The following SLC38A1 variants were observed in gnomAD, a reference collection of about 807,000 sequenced individuals.
The protein encoded by SLC38A1 is sodium-coupled neutral amino acid symporter 1.
In SLC38A1, 18 loss-of-function variants were observed where a neutral mutation model predicts 60.3. That is an observed-to-expected ratio of 0.30 (90% CI 0.21 to 0.44). The LOEUF (loss-of-function observed/expected upper bound fraction) is 0.44, where lower values mean the gene tolerates loss of function less well. SLC38A1 is among the 20% of genes least tolerant of loss of function. SLC38A1 has a pLI of 1.00. For synonymous variants in SLC38A1, 196 were observed against 212.1 expected (o/e 0.92, Z 0.66); for missense variants, 448 against 587.2 (o/e 0.76, Z 2.45).
chr12:46,248,712 AT>A (rs1941715878), intron 1 of SLC38A1, among the ~76,000 whole-genome samples: 1 of 152,226 alleles, frequency 6.6e-6, no homozygotes, highest in Admixed American at 6.5e-5. Flanking sequence ...AATCAACAAA[AT>A]ATACATTCTT....
At chr12:46,238,410 C>A (rs1025473106) in intron 3 of SLC38A1, among the ~76,000 whole-genome samples, 1 of 152,188 alleles carries the variant, frequency 6.6e-6, no homozygotes, top group South Asian at 2.1e-4. Context: ...TAATCACATA[C>A]TTTATCAGAA....
intron 11 of SLC38A1, 38 bp from the exon 12 acceptor site, chr12:46,203,127 T>G: frequency 1.9e-6 from 3 of 1,540,576 alleles, no homozygotes; most frequent in Non-Finnish European, 2.7e-6. Context: ...GGAAAAACAC[T>G]TTTACCATAA....
chr12:46,236,883 C>T (rs576042404), intron 3 of SLC38A1, among the ~76,000 whole-genome samples: 89 of 152,306 alleles, frequency 5.8e-4, no homozygotes, highest in African/African-American at 2.0e-3. Flanking sequence ...GTGTTTCATA[C>T]ACACATTAAA....
At chr12:46,197,295 C>T (rs1442464921) in intron 16 of SLC38A1, 1 of 167,028 alleles carries the variant, frequency 6.0e-6, no homozygotes, top group East Asian at 1.9e-4. Context: ...ACAGACCATC[C>T]TGGCTAACAT....
chr12:46,266,347 AAAC>A (rs1488314481), intron 1 of SLC38A1, among the ~76,000 whole-genome samples: 1 of 152,184 alleles, frequency 6.6e-6, no homozygotes, highest in East Asian at 1.9e-4. Context: ...AAATATACAT[AAAC>A]AACATACATA....
At position 46,226,617 on chromosome 12, in the gene SLC38A1, C is replaced by CTT. The variant is rs199599486; in HGVS notation, c.314+2534_314+2535dup. 1.7e-3 allele frequency among the ~76,000 whole-genome samples: 206 copies of CTT among 122,936 alleles called. 1 individual carries two copies. Among genetic ancestry groups the CTT allele is most frequent in the Non-Finnish European group, 2.5e-3 (145 of 56,948 alleles). 80.7% of individuals were successfully genotyped at this position (122,936 alleles called of 152,430 possible). ...TCCCAAACTGAAGGTCATGGATTTC[C>CTT]TTTTTTTTTTTTTTTTTTTTTTTTT... On this transcript the variant is annotated intron_variant, in intron 5 of 16. Transcript: ENST00000398637.
intron 1 of SLC38A1, among the ~76,000 whole-genome samples, chr12:46,256,308 T>C (rs1050586527): frequency 6.6e-6 from 1 of 152,130 alleles, no homozygotes; most frequent in African/African-American, 2.4e-5. Flanking sequence ...TCCCAAAGAT[T>C]ACTTAAGTCA....
chr12:46,237,854 T>A (rs1366442578), intron 3 of SLC38A1, among the ~76,000 whole-genome samples: 1 of 151,838 alleles, frequency 6.6e-6, no homozygotes, highest in Non-Finnish European at 1.5e-5. Context: ...TTCCTTCCAC[T>A]GTTCAGTGGA....
intron 3 of SLC38A1, 66 bp from the exon 4 acceptor site, chr12:46,229,705 A>G (rs1482418956): frequency 1.5e-6 from 2 of 1,348,496 alleles, no homozygotes; most frequent in African/African-American, 1.4e-5. Context: ...TCTTTACTAA[A>G]TGATATGTTA....
At chr12:46,230,383 G>A (rs1418115426) in intron 3 of SLC38A1, among the ~76,000 whole-genome samples, 1 of 152,190 alleles carries the variant, frequency 6.6e-6, no homozygotes, top group Non-Finnish European at 1.5e-5. Context: ...AAGGCTTTGA[G>A]AAAGCAAGGG....
chr12:46,211,580 C>T (rs1473553477), intron 5 of SLC38A1, among the ~76,000 whole-genome samples: 1 of 152,216 alleles, frequency 6.6e-6, no homozygotes. Flanking sequence ...TGTTGAATCT[C>T]TTTGCAGATG....
chr12:46,190,395 T>C (rs1396452487), intron 16 of SLC38A1, among the ~76,000 whole-genome samples: 4 of 152,242 alleles, frequency 2.6e-5, no homozygotes, highest in East Asian at 1.9e-4. Context: ...ACAATAAACA[T>C]ACATGTGCAT....
chr12:46,252,996 G>GAAA (rs71437760), intron 1 of SLC38A1, among the ~76,000 whole-genome samples: 4,357 of 107,070 alleles, frequency 0.041, 234 homozygotes, highest in East Asian at 0.23. Context: ...ATCTTTTTTT[G>GAAA]AAAAAAAAAA....
rs1378479060 is a variant in SLC38A1, at chr12:46,197,925, C to T, written c.1258G>A (p.Val420Ile). Residue 420 changes from valine to isoleucine, a missense_variant, in exon 15 of 17, where the codon GTC becomes ATC. Physicochemically the swap from Val to Ile is conservative, Grantham distance 29. Coordinates refer to ENST00000398637, the MANE Select transcript of SLC38A1 (RefSeq NM_030674.4). The stretch of plus-strand genomic sequence containing the variant: ...CAAAGTCATGAAGCCATACCTACGA[C>T]TCCAAAAATATCCTTCATGGAGGGT... ...FIPSMKDIFGVVGVTSANMLI... is the reference protein window; with the variant it reads ...FIPSMKDIFGIVGVTSANMLI... The T allele has an allele frequency of 6.2e-7, 1 of 1,613,882 alleles. No individual in the cohort carries two copies.
Position 46,268,829 on chromosome 12 carries a change from C to T in SLC38A1, c.-512G>A. On this transcript the variant is annotated 5_prime_UTR_variant, in exon 1 of 17. Coordinates refer to ENST00000398637, the MANE Select transcript of SLC38A1 (RefSeq NM_030674.4). The surrounding 1 kb of genome is among the most constrained non-coding windows in gnomAD (Gnocchi z 4.4). ...ATCAGAATCTCCCCTCACCACCAAC[C>T]CCCACTCACACTCTGCTCGCCGGCC... 1 of 449,116 alleles carries T rather than the reference C, an allele frequency of 2.2e-6. No homozygotes were observed. The highest frequency in any genetic ancestry group is 1.6e-5 in the South Asian group (1 of 63,706). The allele number at this position is 449,116 out of a possible 1,614,324, so 27.8% of individuals were successfully genotyped here.
chr12:46,238,683 T>C (rs1436635658), intron 3 of SLC38A1, among the ~76,000 whole-genome samples: 1 of 152,140 alleles, frequency 6.6e-6, no homozygotes, highest in Non-Finnish European at 1.5e-5. Context: ...AGACATTTGG[T>C]TCTACTCTTG....
chr12:46,215,391 C>T (rs905377518), intron 5 of SLC38A1, among the ~76,000 whole-genome samples: 1 of 152,142 alleles, frequency 6.6e-6, no homozygotes, highest in African/African-American at 2.4e-5. Flanking sequence ...CATCTGCTTC[C>T]TTTGGTTGAC....
At chr12:46,255,911 C>G (rs577006975) in intron 1 of SLC38A1, among the ~76,000 whole-genome samples, 99 of 152,264 alleles carry the variant, frequency 6.5e-4, no homozygotes, top group African/African-American at 2.3e-3. Context: ...AGCCTGTAAT[C>G]CCACCACTTT....
rs199599486 is a variant in SLC38A1 at position 46,226,617 on chromosome 12, CTTTTTTTTTTTTTTTT to C, written c.314+2520_314+2535del. 6.3e-4 allele frequency among the ~76,000 whole-genome samples: 77 copies of C among 123,014 alleles called. 1 individual carries two copies. The highest frequency in any genetic ancestry group is 2.1e-3 in the African/African-American group (73 of 34,590). The allele number at this position is 123,014 out of a possible 152,430, so 80.7% of individuals were successfully genotyped here. Reference sequence around the variant, plus strand: ...TCCCAAACTGAAGGTCATGGATTTCCTTTTTTTTTTTTTTTTTTTTTTTTTGAGACGGAATCTTGCT... The same window carrying C: ...TCCCAAACTGAAGGTCATGGATTTCCTTTTTTTTTGAGACGGAATCTTGCT... On this transcript the variant is annotated intron_variant, in intron 5 of 16. Coordinates refer to ENST00000398637, the MANE Select transcript of SLC38A1 (RefSeq NM_030674.4).
Sources: gnomAD v4.1 joint callset for allele counts (sites outside exome capture counted in the v4.1 genomes callset) on GRCh38, gnomAD v4.1.1 for gene constraint, Gnocchi (gnomAD v3.1) non-coding constraint, MANE v1.5 for transcripts, NCBI Gene and HGNC (gene_info 2026-07-23, HGNC 2026-07-21) for gene names.